The following PDZRN4 variants were observed in gnomAD, a reference collection of about 807,000 sequenced individuals.
PDZRN4 encodes the protein PDZ domain containing ring finger 4.
A neutral mutation model predicts 99.0 loss-of-function variants in PDZRN4; 70 were observed. That is an observed-to-expected ratio of 0.71 (90% CI 0.58 to 0.86). The LOEUF (loss-of-function observed/expected upper bound fraction) is 0.86. PDZRN4 is among the 40% of genes least tolerant of loss of function. PDZRN4 has a pLI of 0.00. For synonymous variants in PDZRN4, 551 were observed against 501.6 expected (o/e 1.10, Z -1.32); for missense variants, 1,474 against 1,331.2 (o/e 1.11, Z -1.67).
At chr12:41,427,449 G>A (rs1565580043) in intron 3 of PDZRN4, among the ~76,000 whole-genome samples, 1 of 152,092 alleles carries the variant, frequency 6.6e-6, no homozygotes, top group Non-Finnish European at 1.5e-5. Context: ...GAGGAACTGA[G>A]GCATTTCAGC....
chr12:41,540,976 G>GT (rs1337802066), intron 5 of PDZRN4, among the ~76,000 whole-genome samples: 1 of 151,960 alleles, frequency 6.6e-6, no homozygotes, highest in East Asian at 1.9e-4. Flanking sequence ...CCAGCCTGGA[G>GT]TGCAGTGGTG....
chr12:41,463,110 A>G (rs1270398496), intron 3 of PDZRN4, among the ~76,000 whole-genome samples: 1 of 152,214 alleles, frequency 6.6e-6, no homozygotes, highest in African/African-American at 2.4e-5. Context: ...CAAAATCACC[A>G]AATCAGTTGT....
chr12:41,344,936 T>A (rs1024035423), intron 3 of PDZRN4, among the ~76,000 whole-genome samples: 3 of 151,618 alleles, frequency 2.0e-5, no homozygotes, highest in African/African-American at 7.3e-5. Flanking sequence ...CACTGGAGAG[T>A]CTAAAGCAAC....
At chr12:41,267,682 A>C (rs1591991025) in intron 3 of PDZRN4, among the ~76,000 whole-genome samples, 3 of 151,986 alleles carry the variant, frequency 2.0e-5, no homozygotes, top group Middle Eastern at 6.8e-3. Context: ...TACAAAAAAA[A>C]AAAAAAAAAT....
intron 3 of PDZRN4, among the ~76,000 whole-genome samples, chr12:41,371,725 A>T (rs1192954344): frequency 5.3e-5 from 8 of 152,226 alleles, no homozygotes; most frequent in East Asian, 1.9e-4. Flanking sequence ...CTATGTACTT[A>T]AAAAAGTGTT....
At chr12:41,406,381 C>A (rs1952350402) in intron 3 of PDZRN4, among the ~76,000 whole-genome samples, 1 of 152,150 alleles carries the variant, frequency 6.6e-6, no homozygotes, top group Non-Finnish European at 1.5e-5. Flanking sequence ...TCAACGCCTA[C>A]TGTTGTCAGG....
In PDZRN4 at chr12:41,189,208, C is replaced by T. The variant is rs370273669; in HGVS notation, c.648+105C>T. On this transcript the variant is annotated intron_variant, in intron 1 of 9. Transcript: ENST00000402685. Reference sequence around the variant, plus strand: ...TCCTTTGGAATTGGGCATCCTTCCTCACTATGCAGCAGGAAACATCCACAC... The same window carrying T: ...TCCTTTGGAATTGGGCATCCTTCCTTACTATGCAGCAGGAAACATCCACAC... 5.7e-6 allele frequency: 6 copies of T among 1,050,614 alleles called. No individual in the cohort carries two copies. The African/African-American group carries it at 8.0e-5, about 14-fold the overall frequency. 65.1% of individuals were successfully genotyped at this position (1,050,614 alleles called of 1,614,324 possible). A position where few individuals can be genotyped will look rare whatever the true frequency, so the allele number is the denominator to read the frequency against.
At chr12:41,449,596 T>G (rs1389894922) in intron 3 of PDZRN4, among the ~76,000 whole-genome samples, 1 of 152,180 alleles carries the variant, frequency 6.6e-6, no homozygotes, top group Non-Finnish European at 1.5e-5. Flanking sequence ...ATATTAGTTC[T>G]GTGTGTGAGA....
chr12:41,381,337 T>C (rs1952124347), intron 3 of PDZRN4, among the ~76,000 whole-genome samples: 1 of 152,116 alleles, frequency 6.6e-6, no homozygotes, highest in African/African-American at 2.4e-5. Flanking sequence ...TTTCTCTCTC[T>C]CTCTCTCCCC....
chr12:41,334,677 A>T (rs1046047899), intron 3 of PDZRN4, among the ~76,000 whole-genome samples: 3 of 152,182 alleles, frequency 2.0e-5, no homozygotes, highest in African/African-American at 4.8e-5. Context: ...TGCCTTGCAC[A>T]TCATAGGTAA....
Position 41,546,272 on chromosome 12 carries a change from C to T in PDZRN4, c.1204-6384C>T, listed in dbSNP as rs575131814. Reference sequence around the variant, plus strand: ...TGGATGATACAGTGGACAAAGAGAACAGGGTAGTTGAGGATTTCGGAACTC... The same window carrying T: ...TGGATGATACAGTGGACAAAGAGAATAGGGTAGTTGAGGATTTCGGAACTC... On this transcript the variant is annotated intron_variant, in intron 5 of 9. Transcript: ENST00000402685. Among the ~76,000 whole-genome samples, 13 of 152,264 alleles carry T rather than the reference C, an allele frequency of 8.5e-5. No homozygotes were observed. In the South Asian group the frequency reaches 2.7e-3, roughly 32 times the overall value.
intron 3 of PDZRN4, among the ~76,000 whole-genome samples, chr12:41,257,195 G>A (rs1566400479): frequency 6.6e-6 from 1 of 152,156 alleles, no homozygotes; most frequent in South Asian, 2.1e-4. Context: ...CCTAAGATAA[G>A]CATAACTACT....
chr12:41,469,732 C>G (rs945816140), intron 3 of PDZRN4, among the ~76,000 whole-genome samples: 3 of 151,980 alleles, frequency 2.0e-5, no homozygotes, highest in African/African-American at 7.3e-5. Flanking sequence ...GAGATCGAGA[C>G]CATCCTGGCT....
At chr12:41,335,012 G>T (rs1951763753) in intron 3 of PDZRN4, among the ~76,000 whole-genome samples, 1 of 151,890 alleles carries the variant, frequency 6.6e-6, no homozygotes, top group Non-Finnish European at 1.5e-5. Context: ...AAAGTAAAAT[G>T]GGCATTAATT....
At chr12:41,276,573 AG>A (rs566211916) in intron 3 of PDZRN4, among the ~76,000 whole-genome samples, 48 of 152,280 alleles carry the variant, frequency 3.2e-4, no homozygotes, top group Admixed American at 1.0e-3. Flanking sequence ...GATTCTGCTA[AG>A]TGTTTCCCAT....
intron 3 of PDZRN4, among the ~76,000 whole-genome samples, chr12:41,312,619 A>G (rs754487870): frequency 1.3e-4 from 20 of 152,214 alleles, no homozygotes; most frequent in Admixed American, 4.6e-4. Flanking sequence ...TGTCTAACAT[A>G]GCAGCAAGCA....
At position 41,573,236 on chromosome 12, in the gene PDZRN4, A is replaced by G; in HGVS notation, c.2457A>G (p.Gln819=). 6.2e-7 allele frequency: 1 copy of G among 1,614,162 alleles called. No homozygotes were observed. The highest frequency in any genetic ancestry group is 1.1e-5 in the South Asian group (1 of 91,084). ...TAGAAGGCAGCAAGCTTCCTGATCA[A>G]GAGAAGGCAGTCAGCGAACACATCC... ...KVLEGSKLPD[Q]EKAVSEHIPY... Residue 819 remains glutamine (Q), a synonymous_variant, in exon 10 of 10, where the codon CAA becomes CAG. Coordinates refer to ENST00000402685, the MANE Select transcript of PDZRN4 (RefSeq NM_001164595.2).
intron 3 of PDZRN4, among the ~76,000 whole-genome samples, chr12:41,240,973 T>A (rs1340275808): frequency 6.6e-6 from 1 of 152,146 alleles, no homozygotes; most frequent in Non-Finnish European, 1.5e-5. Flanking sequence ...CTGTATTGAT[T>A]ATGGATTATG....
At chr12:41,490,786 G>T (rs564891509) in intron 3 of PDZRN4, among the ~76,000 whole-genome samples, 19 of 152,068 alleles carry the variant, frequency 1.2e-4, no homozygotes, top group Admixed American at 1.1e-3. Flanking sequence ...CTGGAACAAG[G>T]TCCTCTACTT....
Sources: allele counts gnomAD v4.1 joint callset (sites outside exome capture counted in the v4.1 genomes callset), GRCh38; gene constraint gnomAD v4.1.1; transcripts MANE v1.5; gene names NCBI Gene and HGNC (gene_info 2026-07-23, HGNC 2026-07-21).